Variants in PADI2 observed in about 807,000 individuals in gnomAD.
PADI2 encodes the protein protein-arginine deiminase type-2.
PADI2 carries 70 observed loss-of-function variants against 81.1 expected under a neutral mutation model. That is an observed-to-expected ratio of 0.86 (90% confidence interval 0.71 to 1.05). The LOEUF (loss-of-function observed/expected upper bound fraction) is 1.05. PADI2 is among the 50% of genes least tolerant of loss of function. The probability of loss-of-function intolerance (pLI) is 0.00; values close to 1 mark genes in which losing one functional copy is unlikely to be tolerated. For missense variants in PADI2, 853 were observed against 889.9 expected (o/e 0.96, Z 0.53); for synonymous variants, 338 against 358.0 (o/e 0.94, Z 0.63).
intron 4 of PADI2, 126 bp from the exon 5 acceptor site, chr1:17,093,810 C>T (rs1052162095): frequency 2.5e-5 from 15 of 599,218 alleles, no homozygotes; most frequent in Non-Finnish European, 4.5e-5. Context: ...CAGCTGTGAC[C>T]TGGCAAATGT....
In PADI2 at chr1:17,070,382, G is replaced by A. The variant is rs376107309; in HGVS notation, c.1636-166C>T. Among the ~76,000 whole-genome samples the A allele has an allele frequency of 2.7e-3, 411 of 152,240 alleles. 3 individuals are homozygous for A. In the South Asian group the frequency reaches 0.031, roughly 11 times the overall value. ...CAGCCTCTCCCTGGCCCTGTCCACC[G>A]GGGTTCATGAACAGCAGTCGTAATA... is the stretch of plus-strand genomic sequence containing the variant. On this transcript the variant is annotated intron_variant, in intron 14 of 15. Coordinates refer to ENST00000375486, the MANE Select transcript of PADI2 (RefSeq NM_007365.3).
chr1:17,079,538 T>C (rs2078328565), intron 10 of PADI2, 123 bp from the exon 11 acceptor site: 5 of 714,370 alleles, frequency 7.0e-6, no homozygotes, highest in Non-Finnish European at 1.2e-5. Context: ...AGGTGGGTTG[T>C]CCACGGTCTT....
rs1192650893 is a variant in PADI2, at chr1:17,067,139, A to T, written c.*1905T>A. ...TACCGACATCATTGGGGAAAGCCTT[A>T]GAAAAATCTATAAAGACACACTGTC... On this transcript the variant is annotated 3_prime_UTR_variant, in exon 16 of 16. Coordinates refer to ENST00000375486, the MANE Select transcript of PADI2 (RefSeq NM_007365.3). 2 of 150,796 alleles carry T rather than the reference A, an allele frequency of 1.3e-5. No homozygotes were observed. The highest frequency in any genetic ancestry group is 2.4e-5 in the African/African-American group (1 of 40,962). The allele number at this position is 150,796 out of a possible 1,614,324, so 9.3% of individuals were successfully genotyped here.
At position 17,109,112 on chromosome 1, in the gene PADI2, C is replaced by T. The variant is rs188607468; in HGVS notation, c.93-4051G>A. 1.0e-3 allele frequency among the ~76,000 whole-genome samples: 157 copies of T among 152,096 alleles called. 1 individual carries two copies. The highest frequency in any genetic ancestry group is 3.7e-3 in the African/African-American group (153 of 41,494). On this transcript the variant is annotated intron_variant, in intron 1 of 15. Transcript: ENST00000375486. ...CTGGAAAGCTGGGGATGGCTGGGTG[C>T]GGTGGCTCACACCTGTAACCCCAGC...
intron 12 of PADI2, chr1:17,075,455 C>T (rs972335997): frequency 2.1e-5 from 10 of 471,826 alleles, no homozygotes; most frequent in Middle Eastern, 5.4e-4. Context: ...TTAAATCTCT[C>T]GTTAATAATT....
At chr1:17,086,739 C>T (rs918610724) in intron 6 of PADI2, 40 bp from the exon 7 acceptor site, 1 of 1,582,878 alleles carries the variant, frequency 6.3e-7, no homozygotes, top group Non-Finnish European at 8.7e-7. Context: ...CCACCCGCAT[C>T]AGAAAGAGGT....
rs556705989 is a variant in PADI2 at position 17,083,018 on chromosome 1, C to CACT, written c.1051-369_1051-367dup. ...CTGAGTAGCTACGACTACAGGTGTG[C>CACT]ACTACCATGCCAGGCTAATTTTTAA... is the stretch of plus-strand genomic sequence containing the variant. On this transcript the variant is annotated intron_variant, in intron 9 of 15. Transcript: ENST00000375486. 599 of 161,218 alleles carry CACT rather than the reference C, an allele frequency of 3.7e-3. 3 individuals are homozygous for CACT. The highest frequency in any genetic ancestry group is 0.015 in the African/African-American group (570 of 37,214). The allele number at this position is 161,218 out of a possible 1,614,324, so 10.0% of individuals were successfully genotyped here. A position where few individuals can be genotyped will look rare whatever the true frequency, so the allele number is the denominator to read the frequency against.
At chr1:17,100,482 A>C (rs1931104040) in intron 3 of PADI2, among the ~76,000 whole-genome samples, 1 of 151,048 alleles carries the variant, frequency 6.6e-6, no homozygotes, top group Non-Finnish European at 1.5e-5. Flanking sequence ...ACAGGGTTTC[A>C]CCATGTTGGC....
chr1:17,094,656 G>A lies in PADI2; in HGVS notation c.412-972C>T, dbSNP rs1024654530. On this transcript the variant is annotated intron_variant, in intron 4 of 15. Coordinates refer to ENST00000375486, the MANE Select transcript of PADI2 (RefSeq NM_007365.3). ...TTTCTGTGTCCCCTGGGCCTGACCC[G>A]CTCCTGGAACATAAAAGATGCTCAG... 1.1e-4 allele frequency among the ~76,000 whole-genome samples: 17 copies of A among 152,296 alleles called. 1 individual carries two copies. Among genetic ancestry groups the A allele is most frequent in the African/African-American group, 3.1e-4 (13 of 41,562 alleles).
chr1:17,101,170 T>C (rs997802863), intron 3 of PADI2, among the ~76,000 whole-genome samples: 13 of 152,118 alleles, frequency 8.5e-5, no homozygotes, highest in Non-Finnish European at 1.5e-4. Context: ...GTGGCATCTT[T>C]TGGGACTCAG....
intron 9 of PADI2, 147 bp downstream of exon 9, chr1:17,083,579 A>T: frequency 1.6e-6 from 1 of 627,130 alleles, no homozygotes; most frequent in Non-Finnish European, 2.9e-6. Flanking sequence ...TTGTATGTTT[A>T]TGTCTTTGTG....
intron 12 of PADI2, 180 bp from the exon 13 acceptor site, chr1:17,075,129 C>T (rs1192086816): frequency 5.7e-6 from 3 of 521,814 alleles, no homozygotes; most frequent in Non-Finnish European, 1.0e-5. Flanking sequence ...CTCACCTTTC[C>T]TCTACCTCAG....
intron 8 of PADI2, 124 bp downstream of exon 8, chr1:17,084,475 C>T: frequency 1.6e-6 from 1 of 608,350 alleles, no homozygotes; most frequent in South Asian, 2.0e-5. Context: ...TTCAGAGAGG[C>T]CAAGAGAGTT....
intron 3 of PADI2, 131 bp from the exon 4 acceptor site, chr1:17,096,101 A>C (rs984607597): frequency 3.3e-6 from 2 of 613,264 alleles, no homozygotes; most frequent in Admixed American, 2.9e-5. Context: ...GACCTCGCTG[A>C]AGTCATCTTA....
chr1:17,105,004 C>T lies in PADI2; in HGVS notation c.150G>A (p.Val50=). 4.4e-6 allele frequency: 7 copies of T among 1,604,968 alleles called. No individual in the cohort carries two copies. The highest frequency in any genetic ancestry group is 1.7e-4 in the Middle Eastern group (1 of 5,992). Residue 50 remains valine, a synonymous_variant, in exon 2 of 16, where the codon GTG becomes GTA. Coordinates refer to ENST00000375486, the MANE Select transcript of PADI2 (RefSeq NM_007365.3). ...CAGCCTCCCCATCACGCACCACCTC[C>T]ACCCACACGTGTTCCGAGTGCTTCA... ...FSLKHSEHVW[V]EVVRDGEAEE...
chr1:17,117,260 GA>G (rs1475485078), intron 1 of PADI2, among the ~76,000 whole-genome samples: 3 of 152,028 alleles, frequency 2.0e-5, no homozygotes, highest in South Asian at 4.1e-4. Context: ...GACTTAGCAT[GA>G]AAAAAGGAAG....
intron 6 of PADI2, 111 bp downstream of exon 6, chr1:17,092,297 G>A: frequency 1.2e-6 from 1 of 835,448 alleles, no homozygotes; most frequent in Non-Finnish European, 1.9e-6. Context: ...ATCACTCAGA[G>A]ACCAATCCAG....
chr1:17,099,066 C>T (rs753470960), intron 3 of PADI2, among the ~76,000 whole-genome samples: 30 of 152,318 alleles, frequency 2.0e-4, no homozygotes, highest in South Asian at 4.1e-4. Flanking sequence ...GGCAGATTGA[C>T]GGGAAATGTC....
rs1405008890 is a variant in PADI2, at chr1:17,070,225, G to C, written c.1636-9C>G. On this transcript the variant is annotated splice_polypyrimidine_tract_variant and intron_variant, in intron 14 of 15. Transcript: ENST00000375486. ...TTCCAGTCTAGGCAGCGCTGGGTAGGAGAAAGGATGGAGGGCATGCAGGTG... is the reference window on the plus strand; with the variant it reads ...TTCCAGTCTAGGCAGCGCTGGGTAGCAGAAAGGATGGAGGGCATGCAGGTG... 2 of 1,613,570 alleles carry C rather than the reference G, an allele frequency of 1.2e-6. No homozygotes were observed. The highest frequency in any genetic ancestry group is 1.7e-6 in the Non-Finnish European group (2 of 1,179,756).
Sources: gnomAD v4.1 joint callset for allele counts (sites outside exome capture counted in the v4.1 genomes callset) on GRCh38, gnomAD v4.1.1 for gene constraint, MANE v1.5 for transcripts, NCBI Gene and HGNC (gene_info 2026-07-23, HGNC 2026-07-21) for gene names.